The following FGGY variants were observed in gnomAD, a reference collection of about 807,000 sequenced individuals.
The protein encoded by FGGY is FGGY carbohydrate kinase domain containing.
Under a neutral mutation model 71.3 loss-of-function variants are expected in FGGY, and 72 were observed. The observed-to-expected ratio is 1.01, with a 90% CI of 0.84 to 1.23. The LOEUF is 1.23. FGGY is among the 50% of genes most tolerant of loss of function. The pLI is 0.00. For synonymous variants in FGGY, 251 were observed against 250.3 expected (o/e 1.00, Z -0.02); for missense variants, 668 against 682.3 (o/e 0.98, Z 0.23).
At chr1:59,515,755 C>T (rs766891482) in intron 7 of FGGY, among the ~76,000 whole-genome samples, 7 of 152,282 alleles carry the variant, frequency 4.6e-5, no homozygotes, top group Admixed American at 6.5e-5. Context: ...GTGCCTTTTG[C>T]CCTCCACCAT....
intron 7 of FGGY, among the ~76,000 whole-genome samples, chr1:59,542,552 C>T (rs564114687): frequency 1.4e-5 from 2 of 148,080 alleles, no homozygotes; most frequent in Admixed American, 6.8e-5. Context: ...CTCCGCCTCC[C>T]GGGTTCAAGC....
chr1:59,426,559 T>A (rs893919883), intron 5 of FGGY, among the ~76,000 whole-genome samples: 1 of 152,248 alleles, frequency 6.6e-6, no homozygotes, highest in African/African-American at 2.4e-5. Flanking sequence ...GACATTCTTA[T>A]CCAGCCTGGT....
chr1:59,517,590 T>A (rs2094699020), intron 7 of FGGY, among the ~76,000 whole-genome samples: 1 of 152,162 alleles, frequency 6.6e-6, no homozygotes, highest in African/African-American at 2.4e-5. Context: ...CCTGTTCTCC[T>A]CTGGGAAGCC....
chr1:59,625,783 A>C (rs1318447978), intron 9 of FGGY, among the ~76,000 whole-genome samples: 1 of 152,012 alleles, frequency 6.6e-6, no homozygotes, highest in African/African-American at 2.4e-5. Flanking sequence ...TCTTTGTTTT[A>C]TGTATTTAAG....
chr1:59,756,266 T>C (rs145972374), intron 14 of FGGY, among the ~76,000 whole-genome samples: 253 of 152,304 alleles, frequency 1.7e-3, no homozygotes, highest in African/African-American at 5.9e-3. Context: ...TCTGTTGTCA[T>C]TGTGCTGGCT....
chr1:59,639,354 A>G (rs992600223), intron 11 of FGGY, among the ~76,000 whole-genome samples: 3 of 152,232 alleles, frequency 2.0e-5, no homozygotes, highest in Non-Finnish European at 2.9e-5. Context: ...CCTAGTTGAC[A>G]TGATCAACTT....
intron 7 of FGGY, among the ~76,000 whole-genome samples, chr1:59,521,137 TC>T (rs1375864208): frequency 6.6e-6 from 1 of 152,146 alleles, no homozygotes. Flanking sequence ...CTCTGGGAGT[TC>T]CTGGATGTGA....
intron 14 of FGGY, among the ~76,000 whole-genome samples, chr1:59,712,357 C>T (rs183283651): frequency 4.0e-4 from 61 of 152,288 alleles, no homozygotes; most frequent in East Asian, 3.3e-3. Flanking sequence ...CTTTTCCAGG[C>T]GTGCAGTGCA....
chr1:59,674,820 G>A (rs528041445), intron 14 of FGGY, among the ~76,000 whole-genome samples: 1 of 152,312 alleles, frequency 6.6e-6, no homozygotes, highest in East Asian at 1.9e-4. Flanking sequence ...GAGGTTTTGA[G>A]TGCTAAAATA....
At chr1:59,585,279 G>C (rs2096265448) in intron 8 of FGGY, among the ~76,000 whole-genome samples, 1 of 152,144 alleles carries the variant, frequency 6.6e-6, no homozygotes, top group Non-Finnish European at 1.5e-5. Flanking sequence ...ATACTACCAG[G>C]CTACAGGAAC....
At chr1:59,744,541 C>T (rs1487827644) in intron 14 of FGGY, among the ~76,000 whole-genome samples, 1 of 152,198 alleles carries the variant, frequency 6.6e-6, no homozygotes, top group Admixed American at 6.5e-5. Flanking sequence ...ATTCTGTTAG[C>T]TAGTGAAAGA....
rs183691582 is a variant in FGGY, at chr1:59,468,416, G to T, written c.670+11340G>T. Among the ~76,000 whole-genome samples the T allele has an allele frequency of 3.2e-3, 494 of 152,278 alleles. 4 individuals carry two copies. Among genetic ancestry groups the T allele is most frequent in the African/African-American group, 0.011 (474 of 41,536 alleles). On this transcript the variant is annotated intron_variant, in intron 6 of 15. Transcript: ENST00000303721. ...TCATTCCTGTAGCAAATCTCTCAGA[G>T]ACTTTTCTATCTTAGGAAATATCAC...
chr1:59,561,463 T>A (rs1354778877), intron 8 of FGGY, among the ~76,000 whole-genome samples: 1 of 152,162 alleles, frequency 6.6e-6, no homozygotes, highest in African/African-American at 2.4e-5. Context: ...CTCAAGAAGC[T>A]CAAGGTAGCT....
At chr1:59,472,052 C>T (rs913891320) in intron 6 of FGGY, among the ~76,000 whole-genome samples, 4 of 152,260 alleles carry the variant, frequency 2.6e-5, no homozygotes, top group African/African-American at 9.6e-5. Context: ...TTCAGCCCGC[C>T]GCTGCACTGT....
At chr1:59,710,366 C>T (rs1355185508) in intron 14 of FGGY, among the ~76,000 whole-genome samples, 2 of 152,102 alleles carry the variant, frequency 1.3e-5, no homozygotes, top group African/African-American at 4.8e-5. Context: ...CTAGGCAATA[C>T]CATTCAGGAC....
At chr1:59,544,826 A>G (rs1038298722) in intron 7 of FGGY, among the ~76,000 whole-genome samples, 1 of 152,238 alleles carries the variant, frequency 6.6e-6, no homozygotes, top group African/African-American at 2.4e-5. Flanking sequence ...CTTCTTCAGA[A>G]TGCAGAGTTC....
intron 8 of FGGY, among the ~76,000 whole-genome samples, chr1:59,558,300 T>A (rs957516741): frequency 2.6e-5 from 4 of 152,220 alleles, no homozygotes; most frequent in Non-Finnish European, 5.9e-5. Flanking sequence ...TGAACTCATA[T>A]TGGGGGAACC....
chr1:59,457,844 C>T (rs753085878), intron 6 of FGGY, among the ~76,000 whole-genome samples: 2 of 152,168 alleles, frequency 1.3e-5, no homozygotes, highest in African/African-American at 4.8e-5. Flanking sequence ...GAGTCAGTGG[C>T]TCCTAACTAA....
chr1:59,391,351 G>A (rs1215930132), intron 5 of FGGY, among the ~76,000 whole-genome samples: 2 of 152,156 alleles, frequency 1.3e-5, no homozygotes. Flanking sequence ...TGGAGGCAGT[G>A]GGGGAGTCGG....
Sources: gnomAD v4.1 joint callset for allele counts (sites outside exome capture counted in the v4.1 genomes callset) on GRCh38, gnomAD v4.1.1 for gene constraint, MANE v1.5 for transcripts, NCBI Gene and HGNC (gene_info 2026-07-23, HGNC 2026-07-21) for gene names.